The following BRD10 variants were observed in gnomAD, a reference collection of about 807,000 sequenced individuals.
BRD10 encodes the protein bromodomain containing 10, also known as uncharacterized bromodomain-containing protein 10.
At chr9:5,914,485 G>A in the BRD10 span, among the ~76,000 whole-genome samples, 1 of 116,272 alleles carries the variant, frequency 8.6e-6, no homozygotes, top group Non-Finnish European at 1.6e-5. Context: ...GAGCAGTGAC[G>A]CAATCTTGGC....
the BRD10 span, among the ~76,000 whole-genome samples, chr9:5,911,406 T>C: frequency 1.5e-5 from 1 of 67,886 alleles, no homozygotes; most frequent in Non-Finnish European, 3.3e-5. Flanking sequence ...TCTATGTGTG[T>C]TTTTTTTTTT....
chr9:5,969,711 C>T, the BRD10 span, among the ~76,000 whole-genome samples: 14 of 151,956 alleles, frequency 9.2e-5, no homozygotes, highest in African/African-American at 3.4e-4. Flanking sequence ...ACCCAGCTAA[C>T]ATTTTGTATT....
At chr9:5,973,574 C>T in the BRD10 span, among the ~76,000 whole-genome samples, 2 of 152,122 alleles carry the variant, frequency 1.3e-5, no homozygotes, top group African/African-American at 2.4e-5. Flanking sequence ...CAAAGAAACA[C>T]AAATCAATAT....
the BRD10 span, among the ~76,000 whole-genome samples, chr9:5,915,933 T>C: frequency 6.6e-6 from 1 of 152,184 alleles, no homozygotes; most frequent in Non-Finnish European, 1.5e-5. Flanking sequence ...ATTAAGATGA[T>C]TACATACATC....
chr9:5,906,284 C>T, the BRD10 span, among the ~76,000 whole-genome samples: 1 of 148,424 alleles, frequency 6.7e-6, no homozygotes, highest in East Asian at 2.0e-4. Flanking sequence ...GAGCCGAGAT[C>T]GTGCCATTAT....
the BRD10 span, chr9:5,969,227 G>T: frequency 6.2e-7 from 1 of 1,613,578 alleles, no homozygotes; most frequent in African/African-American, 1.3e-5. Context: ...ATTACACTGA[G>T]GCATCAGAAG....
the BRD10 span, among the ~76,000 whole-genome samples, chr9:5,900,717 CCT>C: frequency 1.3e-5 from 2 of 152,112 alleles, no homozygotes; most frequent in Non-Finnish European, 2.9e-5. Flanking sequence ...TAACAATTCC[CCT>C]GAGCCCTGGA....
At chr9:5,936,055 T>G in the BRD10 span, among the ~76,000 whole-genome samples, 1 of 152,206 alleles carries the variant, frequency 6.6e-6, no homozygotes, top group Non-Finnish European at 1.5e-5. Context: ...TCAATTGCTT[T>G]TTAAAAAAAT....
At chr9:5,919,033 A>T in the BRD10 span, 2 of 152,600 alleles carry the variant, frequency 1.3e-5, no homozygotes, top group Admixed American at 6.5e-5. Context: ...ACAGCAACTC[A>T]GTTTATTACA....
chr9:5,965,867 C>A, the BRD10 span, among the ~76,000 whole-genome samples: 1 of 152,144 alleles, frequency 6.6e-6, no homozygotes, highest in African/African-American at 2.4e-5. Flanking sequence ...TAAAGAAGAA[C>A]AGGGTAAAGC....
chr9:5,935,335 C>A, the BRD10 span, among the ~76,000 whole-genome samples: 3 of 152,150 alleles, frequency 2.0e-5, no homozygotes, highest in Non-Finnish European at 4.4e-5. Context: ...AGGCAAACTA[C>A]AACAATAACA....
the BRD10 span, among the ~76,000 whole-genome samples, chr9:5,987,920 A>T: frequency 1.3e-5 from 2 of 152,202 alleles, no homozygotes; most frequent in Non-Finnish European, 2.9e-5. Flanking sequence ...AGCCCAGAGT[A>T]AGCACAGTTA....
chr9:5,969,032 C>A, the BRD10 span: 2 of 1,611,754 alleles, frequency 1.2e-6, no homozygotes, highest in African/African-American at 2.7e-5. Flanking sequence ...AAACTGAGGA[C>A]ACAACCCCAG....
At chr9:5,967,156 T>C in the BRD10 span, among the ~76,000 whole-genome samples, 1 of 152,190 alleles carries the variant, frequency 6.6e-6, no homozygotes, top group Non-Finnish European at 1.5e-5. Flanking sequence ...CAAACAATGA[T>C]GATGAAGAGC....
the BRD10 span, among the ~76,000 whole-genome samples, chr9:5,925,251 C>T: frequency 2.0e-5 from 3 of 150,830 alleles, no homozygotes; most frequent in Admixed American, 6.6e-5. Context: ...CCCAGCTATT[C>T]GGGAGGCTGA....
chr9:5,882,855 T>C, the BRD10 span, among the ~76,000 whole-genome samples: 3 of 152,182 alleles, frequency 2.0e-5, no homozygotes, highest in African/African-American at 7.2e-5. Context: ...TCATGTCCTT[T>C]GTAGGGACAT....
At chr9:5,994,988 C>T in the BRD10 span, among the ~76,000 whole-genome samples, 22 of 152,022 alleles carry the variant, frequency 1.4e-4, no homozygotes, top group African/African-American at 5.1e-4. Flanking sequence ...CAACCTCCGC[C>T]TCCCTGGTTC....
the BRD10 span, chr9:5,988,553 A>G: frequency 6.2e-7 from 1 of 1,608,726 alleles, no homozygotes; most frequent in Non-Finnish European, 8.5e-7. Context: ...TGCCTTGGAG[A>G]AGAATAAGTC....
the BRD10 span, among the ~76,000 whole-genome samples, chr9:5,982,376 T>C: frequency 2.5e-4 from 38 of 152,302 alleles, no homozygotes; most frequent in South Asian, 1.9e-3. Flanking sequence ...GTTTGAATAG[T>C]TGTCCCCTCC....
Sources: allele counts gnomAD v4.1 joint callset (sites outside exome capture counted in the v4.1 genomes callset), GRCh38; gene constraint gnomAD v4.1.1; transcripts MANE v1.5; gene names NCBI Gene and HGNC (gene_info 2026-07-23, HGNC 2026-07-21).